Variants in KHDRBS2 observed in about 807,000 individuals in gnomAD.
KHDRBS2 encodes the protein KH RNA binding domain containing, signal transduction associated 2, also known as KH domain-containing, RNA-binding, signal transduction-associated protein 2.
In KHDRBS2, 26 loss-of-function variants were observed where a neutral mutation model predicts 44.3. The observed-to-expected ratio is 0.59, with a 90% CI of 0.43 to 0.81. The LOEUF is 0.81. Ranked by LOEUF, KHDRBS2 falls within the 40% of genes least tolerant of loss-of-function variation. The pLI is 0.00. For synonymous variants in KHDRBS2, 194 were observed against 151.1 expected (o/e 1.28, Z -2.08); for missense variants, 476 against 433.1 (o/e 1.10, Z -0.88).
At chr6:62,079,151 G>A (rs1796918307) in intron 2 of KHDRBS2, among the ~76,000 whole-genome samples, 1 of 151,878 alleles carries the variant, frequency 6.6e-6, no homozygotes, top group Non-Finnish European at 1.5e-5. Flanking sequence ...TGTGAATAAA[G>A]TCATCTTGGG....
intron 1 of KHDRBS2, among the ~76,000 whole-genome samples, chr6:62,254,145 GT>G (rs1836994502): frequency 6.6e-6 from 1 of 152,004 alleles, no homozygotes; most frequent in South Asian, 2.1e-4. Flanking sequence ...TTGTTTTATA[GT>G]TTTGTTTCAG....
intron 3 of KHDRBS2, among the ~76,000 whole-genome samples, chr6:62,019,098 TG>T (rs1176091634): frequency 6.6e-6 from 1 of 152,114 alleles, no homozygotes; most frequent in African/African-American, 2.4e-5. Context: ...GGCACTGATC[TG>T]GAATAGCATC....
chr6:61,950,608 T>C (rs1429685421), intron 4 of KHDRBS2, among the ~76,000 whole-genome samples: 1 of 152,108 alleles, frequency 6.6e-6, no homozygotes, highest in Non-Finnish European at 1.5e-5. Flanking sequence ...TCAACTATGC[T>C]AGTTTTGAAG....
intron 3 of KHDRBS2, among the ~76,000 whole-genome samples, chr6:62,029,755 A>T (rs1287118786): frequency 6.6e-6 from 1 of 151,998 alleles, no homozygotes; most frequent in Non-Finnish European, 1.5e-5. Context: ...TTCATAATAA[A>T]TCCATCTCCA....
the KHDRBS2 span, among the ~76,000 whole-genome samples, chr6:61,582,055 A>G: frequency 6.6e-6 from 1 of 151,912 alleles, no homozygotes; most frequent in African/African-American, 2.4e-5. Context: ...ACAACTTCTA[A>G]TTATTTAAGT....
chr6:62,091,340 T>A (rs1261327755), intron 2 of KHDRBS2, among the ~76,000 whole-genome samples: 1 of 152,182 alleles, frequency 6.6e-6, no homozygotes, highest in African/African-American at 2.4e-5. Context: ...TAATAATTCT[T>A]AGTATAAAAT....
intron 7 of KHDRBS2, 103 bp from the exon 8 acceptor site, chr6:61,697,356 C>T (rs1453230843): frequency 1.3e-6 from 1 of 753,874 alleles, no homozygotes; most frequent in African/African-American, 1.7e-5. Context: ...GGTAATATTC[C>T]AGGAACTTCA....
rs1368411224 is a variant in KHDRBS2 at position 61,732,620 on chromosome 6, C to T, written c.893+62G>A. ...ACATGATATAATTGACATTCAGATT[C>T]AAGAAACAAAATTGATTAGAGATAA... On this transcript the variant is annotated intron_variant, in intron 7 of 8. Coordinates refer to ENST00000281156, the MANE Select transcript of KHDRBS2 (RefSeq NM_152688.4). 4.2e-6 allele frequency: 4 copies of T among 953,652 alleles called. No homozygotes were observed. In the East Asian group the frequency reaches 9.6e-5, roughly 23 times the overall value. 59.1% of individuals were successfully genotyped at this position (953,652 alleles called of 1,614,324 possible).
chr6:61,963,486 C>T (rs901774708), intron 4 of KHDRBS2, among the ~76,000 whole-genome samples: 1 of 152,070 alleles, frequency 6.6e-6, no homozygotes, highest in African/African-American at 2.4e-5. Context: ...AAAAGTTTAG[C>T]TTCTTCACTG....
intron 3 of KHDRBS2, among the ~76,000 whole-genome samples, chr6:62,029,281 A>G (rs1354421377): frequency 6.6e-6 from 1 of 151,960 alleles, no homozygotes; most frequent in Non-Finnish European, 1.5e-5. Context: ...TTATTTTTCA[A>G]CATTAATAGG....
At chr6:62,205,971 T>A (rs527275699) in intron 1 of KHDRBS2, among the ~76,000 whole-genome samples, 1 of 152,090 alleles carries the variant, frequency 6.6e-6, no homozygotes, top group African/African-American at 2.4e-5. Flanking sequence ...AATTGGGAAA[T>A]GATGAATTTT....
chr6:61,828,741 T>G (rs935154079), intron 6 of KHDRBS2, among the ~76,000 whole-genome samples: 5 of 152,204 alleles, frequency 3.3e-5, no homozygotes, highest in African/African-American at 1.2e-4. Context: ...ACTAAACATT[T>G]GTCACAAGAT....
intron 1 of KHDRBS2, among the ~76,000 whole-genome samples, chr6:62,218,079 G>A (rs754265518): frequency 4.6e-5 from 7 of 151,840 alleles, no homozygotes; most frequent in Non-Finnish European, 1.0e-4. Context: ...AACACGGGAA[G>A]AGACAACAAA....
At chr6:61,717,814 T>C (rs1331862782) in intron 7 of KHDRBS2, among the ~76,000 whole-genome samples, 3 of 152,090 alleles carry the variant, frequency 2.0e-5, no homozygotes, top group Non-Finnish European at 4.4e-5. Flanking sequence ...TCAGAACTTT[T>C]TGCAAAGCAT....
chr6:62,000,469 A>T (rs188548649), intron 3 of KHDRBS2, among the ~76,000 whole-genome samples: 1 of 152,340 alleles, frequency 6.6e-6, no homozygotes, highest in East Asian at 1.9e-4. Flanking sequence ...CAACAATGAG[A>T]TCTACAATTA....
At chr6:62,169,532 A>G (rs1819591119) in intron 2 of KHDRBS2, among the ~76,000 whole-genome samples, 1 of 152,076 alleles carries the variant, frequency 6.6e-6, no homozygotes, top group African/African-American at 2.4e-5. Flanking sequence ...TTTGGGATCC[A>G]TCAAGGCAGG....
At chr6:61,893,057 A>G (rs1003957788) in intron 6 of KHDRBS2, among the ~76,000 whole-genome samples, 1 of 152,172 alleles carries the variant, frequency 6.6e-6, no homozygotes, top group African/African-American at 2.4e-5. Context: ...AATTTACAAG[A>G]AAAAAACAAC....
intron 2 of KHDRBS2, among the ~76,000 whole-genome samples, chr6:62,116,299 T>C (rs1806202892): frequency 6.6e-6 from 1 of 152,124 alleles, no homozygotes; most frequent in Non-Finnish European, 1.5e-5. Context: ...CAAAAACATA[T>C]TTCTCCTGTC....
At chr6:61,797,905 G>C (rs1479323517) in intron 6 of KHDRBS2, among the ~76,000 whole-genome samples, 1 of 152,036 alleles carries the variant, frequency 6.6e-6, no homozygotes, top group Admixed American at 6.6e-5. Flanking sequence ...TATATGTGTA[G>C]TTTTGTTAGA....
Sources: allele counts gnomAD v4.1 joint callset (sites outside exome capture counted in the v4.1 genomes callset), GRCh38; gene constraint gnomAD v4.1.1; transcripts MANE v1.5; gene names NCBI Gene and HGNC (gene_info 2026-07-23, HGNC 2026-07-21).